LNX2: variants seen among roughly 807,000 people sequenced by gnomAD.
The protein encoded by LNX2 is ligand of Numb protein X 2.
Under a neutral mutation model 66.2 loss-of-function variants are expected in LNX2, and 35 were observed. The observed-to-expected ratio is 0.53, with a 90% CI of 0.40 to 0.70. The LOEUF (loss-of-function observed/expected upper bound fraction) is 0.70, where lower values mean the gene tolerates loss of function less well. Ranked by LOEUF, LNX2 falls within the 30% of genes least tolerant of loss-of-function variation. LNX2 has a pLI of 0.00. For synonymous variants in LNX2, 337 were observed against 315.6 expected (o/e 1.07, Z -0.72); for missense variants, 791 against 850.8 (o/e 0.93, Z 0.87).
chr13:27,558,632 G>A (rs1955092041), intron 6 of LNX2, among the ~76,000 whole-genome samples: 1 of 151,978 alleles, frequency 6.6e-6, no homozygotes, highest in Non-Finnish European at 1.5e-5. Flanking sequence ...GCAAGGACTA[G>A]CTATATGAAA....
chr13:27,610,650 C>A (rs1182922220), intron 1 of LNX2, among the ~76,000 whole-genome samples: 4 of 152,092 alleles, frequency 2.6e-5, no homozygotes, highest in African/African-American at 9.7e-5. Flanking sequence ...AATGGGACTA[C>A]ATTAAAATTA....
At chr13:27,576,510 G>A (rs906382639) in intron 2 of LNX2, among the ~76,000 whole-genome samples, 9 of 151,136 alleles carry the variant, frequency 6.0e-5, no homozygotes, top group African/African-American at 2.2e-4. Context: ...GAGCTCAGGA[G>A]TTTGAGACAA....
chr13:27,593,488 T>G (rs1955565866), intron 1 of LNX2, among the ~76,000 whole-genome samples: 1 of 151,344 alleles, frequency 6.6e-6, no homozygotes, highest in African/African-American at 2.4e-5. Context: ...AATGCCAGTC[T>G]CAGACCCTCA....
At chr13:27,612,717 G>A (rs1265826003) in intron 1 of LNX2, among the ~76,000 whole-genome samples, 1 of 152,026 alleles carries the variant, frequency 6.6e-6, no homozygotes, top group East Asian at 1.9e-4. Flanking sequence ...TCCCACCTTA[G>A]CCTCCCCAGT....
At chr13:27,585,613 G>A (rs1434294812) in intron 1 of LNX2, among the ~76,000 whole-genome samples, 1 of 152,038 alleles carries the variant, frequency 6.6e-6, no homozygotes, top group Non-Finnish European at 1.5e-5. Flanking sequence ...TGAGATTAAG[G>A]AGAGAAACAT....
At chr13:27,568,725 A>G (rs1955236788) in intron 3 of LNX2, among the ~76,000 whole-genome samples, 1 of 152,210 alleles carries the variant, frequency 6.6e-6, no homozygotes, top group South Asian at 2.1e-4. Flanking sequence ...AAGTTTCTGA[A>G]CACAGACAGT....
Position 27,581,548 on chromosome 13 carries a change from A to T in LNX2, c.156T>A (p.Ile52=), listed in dbSNP as rs911045820. ...GTGGCTGCAGCAGAGGTTGAAGGCA[A>T]ATATGGCAGACTAGGTCATCATCCA... is the stretch of plus-strand genomic sequence containing the variant. ...NEVDDDLVCH[I]CLQPLLQPLD... Residue 52 remains isoleucine (I), a synonymous_variant, in exon 2 of 10, where the codon ATT becomes ATA. Coordinates refer to ENST00000316334, the MANE Select transcript of LNX2 (RefSeq NM_153371.4). 4 of 1,614,112 alleles carry T rather than the reference A, an allele frequency of 2.5e-6. No individual in the cohort carries two copies. The African/African-American group carries it at 5.3e-5, about 22-fold the overall frequency.
intron 1 of LNX2, among the ~76,000 whole-genome samples, chr13:27,598,052 AG>A (rs1190497565): frequency 1.3e-5 from 2 of 152,178 alleles, no homozygotes; most frequent in Non-Finnish European, 2.9e-5. Context: ...CATTATCAGC[AG>A]GAGTTGCAGC....
chr13:27,589,543 T>C (rs1416995556), intron 1 of LNX2, among the ~76,000 whole-genome samples: 1 of 152,174 alleles, frequency 6.6e-6, no homozygotes, highest in East Asian at 1.9e-4. Flanking sequence ...AAATTGTGGC[T>C]AATAGAAAAT....
At position 27,548,631 on chromosome 13, in the gene LNX2, T is replaced by C. The variant is rs182863209; in HGVS notation, c.1938-161A>G. The stretch of plus-strand genomic sequence containing the variant: ...TTGTCTGGGACAGCCCTTAAGCCTA[T>C]GCTGGCTTTCCCTTGCCAATCAAGG... On this transcript the variant is annotated intron_variant, in intron 9 of 9. Transcript: ENST00000316334. Among the ~76,000 whole-genome samples, 19 of 152,348 alleles carry C rather than the reference T, an allele frequency of 1.2e-4. No individual in the cohort carries two copies. In the East Asian group the frequency reaches 2.7e-3, roughly 22 times the overall value.
rs1313185524 is a variant in LNX2, at chr13:27,553,227, T to G, written c.1759A>C (p.Met587Leu). 1.9e-6 allele frequency: 3 copies of G among 1,614,054 alleles called. No individual in the cohort carries two copies. The highest frequency in any genetic ancestry group is 8.5e-7 in the Non-Finnish European group (1 of 1,179,994). The part of the protein sequence containing the change: ...YDASWSPSWV[M>L]WLGLPSTLHS... ...CAGTACCTGGGAAGCCCAAGCCACA[T>G]GACCCATGATGGGGACCAACTGGCA... Residue 587 changes from methionine to leucine, a missense_variant, in exon 8 of 10, where the codon ATG becomes CTG. Transcript: ENST00000316334.
intron 1 of LNX2, 76 bp from the exon 2 acceptor site, chr13:27,581,879 T>C (rs577241731): frequency 2.4e-6 from 1 of 420,726 alleles, no homozygotes; most frequent in Non-Finnish European, 4.1e-6. Context: ...CAATGTAATA[T>C]TACTGGTTAG....
intron 2 of LNX2, among the ~76,000 whole-genome samples, chr13:27,576,798 T>C (rs1955344724): frequency 1.3e-5 from 2 of 152,048 alleles, no homozygotes; most frequent in African/African-American, 2.4e-5. Flanking sequence ...GATTTCTCAT[T>C]GCAATTAATT....
chr13:27,574,172 G>T (rs1323496810), intron 2 of LNX2, among the ~76,000 whole-genome samples: 1 of 152,180 alleles, frequency 6.6e-6, no homozygotes, highest in Non-Finnish European at 1.5e-5. Context: ...GAAAAAGAAT[G>T]CATGGCCGGG....
chr13:27,620,724 C>A (rs1955895356), upstream of LNX2: 1 of 152,354 alleles, frequency 6.6e-6, no homozygotes, highest in Admixed American at 6.5e-5. Flanking sequence ...ACCCGTCACT[C>A]CCGGGTTAGA....
intron 1 of LNX2, among the ~76,000 whole-genome samples, chr13:27,619,333 G>C (rs988994362): frequency 2.6e-5 from 4 of 152,208 alleles, no homozygotes; most frequent in African/African-American, 9.7e-5. Flanking sequence ...CTAAAGAGGT[G>C]TGGGGGTGGG....
chr13:27,610,902 G>A (rs1181134692), intron 1 of LNX2, among the ~76,000 whole-genome samples: 2 of 152,052 alleles, frequency 1.3e-5, no homozygotes, highest in East Asian at 1.9e-4. Flanking sequence ...TCAAAACCAC[G>A]AGATATCACC....
intron 1 of LNX2, among the ~76,000 whole-genome samples, chr13:27,598,550 T>G (rs1331048426): frequency 6.6e-6 from 1 of 152,118 alleles, no homozygotes; most frequent in Non-Finnish European, 1.5e-5. Flanking sequence ...TAGTGTCAAC[T>G]GGGATGGAGA....
chr13:27,564,306 T>C (rs911815952), intron 4 of LNX2, among the ~76,000 whole-genome samples: 3 of 152,188 alleles, frequency 2.0e-5, no homozygotes, highest in African/African-American at 7.2e-5. Flanking sequence ...TAAAATATTG[T>C]TTCTAGATTT....
Sources: allele counts gnomAD v4.1 joint callset (sites outside exome capture counted in the v4.1 genomes callset), GRCh38; gene constraint gnomAD v4.1.1; transcripts MANE v1.5; gene names NCBI Gene and HGNC (gene_info 2026-07-23, HGNC 2026-07-21).